Variants in PTPN5 observed in about 807,000 individuals in gnomAD.
The protein encoded by PTPN5 is protein tyrosine phosphatase non-receptor type 5, also known as tyrosine-protein phosphatase non-receptor type 5.
In PTPN5, 29 loss-of-function variants were observed where a neutral mutation model predicts 73.9. That is an observed-to-expected ratio of 0.39 (90% CI 0.29 to 0.54). PTPN5 has a LOEUF of 0.54. Among genes scored for constraint, PTPN5 ranks in the 20% least tolerant of loss-of-function variants. PTPN5 has a pLI of 0.65. For synonymous variants in PTPN5, 267 were observed against 304.7 expected, an observed-to-expected ratio of 0.88 and a Z score of 1.29; for missense variants, 652 against 751.4, an observed-to-expected ratio of 0.87 and a Z score of 1.55.
intron 1 of PTPN5, among the ~76,000 whole-genome samples, chr11:18,773,982 G>A (rs1851030706): frequency 6.6e-6 from 1 of 152,170 alleles, no homozygotes; most frequent in African/African-American, 2.4e-5. Flanking sequence ...TGCCTGGAAG[G>A]CCATCACCTC....
intron 7 of PTPN5, among the ~76,000 whole-genome samples, 199 bp from the exon 8 acceptor site, chr11:18,740,991 A>G (rs913765572): frequency 2.0e-5 from 3 of 152,044 alleles, no homozygotes; most frequent in African/African-American, 4.8e-5. Flanking sequence ...CTGACTCCCT[A>G]TCTCCTGCCT....
intron 5 of PTPN5, 102 bp from the exon 6 acceptor site, chr11:18,743,177 C>A: frequency 8.1e-7 from 1 of 1,229,122 alleles, no homozygotes; most frequent in South Asian, 1.2e-5. Context: ...CGTCCCAGGT[C>A]TGGGATGGGG....
Position 18,732,695 on chromosome 11 carries a change from G to GTGCAT in PTPN5, c.1221_1225dup (p.Thr409AsnfsTer45). 6.2e-7 allele frequency: 1 copy of GTGCAT among 1,613,482 alleles called. No homozygotes were observed. Among genetic ancestry groups the GTGCAT allele is most frequent in the Non-Finnish European group, 8.5e-7 (1 of 1,179,858 alleles). ...CACCTGCTCCTCCGGCCAATACTCG[G>GTGCAT]TGCATTTCTGCAGGGGCCCAGATCA... On this transcript the variant is annotated frameshift_variant, in exon 12 of 15. Transcript: ENST00000358540. LOFTEE classifies it high-confidence loss of function.
chr11:18,773,447 G>A (rs1246497647), intron 1 of PTPN5, among the ~76,000 whole-genome samples: 1 of 152,136 alleles, frequency 6.6e-6, no homozygotes, highest in Non-Finnish European at 1.5e-5. Context: ...ATCTCAGCCT[G>A]CAGGGCTTCC....
intron 1 of PTPN5, among the ~76,000 whole-genome samples, chr11:18,774,053 C>G (rs1851032366): frequency 6.6e-6 from 1 of 152,208 alleles, no homozygotes; most frequent in Non-Finnish European, 1.5e-5. Flanking sequence ...TTGAATTGCT[C>G]TAGGAAGCCT....
chr11:18,771,246 C>T (rs1453050220), intron 2 of PTPN5, among the ~76,000 whole-genome samples: 1 of 152,174 alleles, frequency 6.6e-6, no homozygotes, highest in Non-Finnish European at 1.5e-5. Flanking sequence ...GCTCCAACCC[C>T]ACCTGACATC....
intron 1 of PTPN5, among the ~76,000 whole-genome samples, chr11:18,772,330 A>T (rs1486698231): frequency 1.3e-5 from 2 of 152,164 alleles, no homozygotes; most frequent in Admixed American, 6.5e-5. Context: ...CAACCACAGA[A>T]CCCAGACTGA....
chr11:18,759,349 G>C (rs1239740011), intron 3 of PTPN5, among the ~76,000 whole-genome samples: 4 of 152,108 alleles, frequency 2.6e-5, no homozygotes, highest in Non-Finnish European at 4.4e-5. Context: ...TCTAGAGTGA[G>C]GAATTTGGAA....
At chr11:18,759,817 C>G (rs1055447636) in intron 3 of PTPN5, among the ~76,000 whole-genome samples, 2 of 152,212 alleles carry the variant, frequency 1.3e-5, no homozygotes, top group African/African-American at 4.8e-5. Flanking sequence ...CCAGGTCCAT[C>G]TTCTGGAGGT....
chr11:18,743,183 T>C, intron 5 of PTPN5, 108 bp from the exon 6 acceptor site: 1 of 1,214,714 alleles, frequency 8.2e-7, no homozygotes, highest in Non-Finnish European at 1.2e-6. Context: ...AGGTCTGGGA[T>C]GGGGAGCAGG....
rs1238215971 is a variant in PTPN5 at position 18,729,687 on chromosome 11, G to A, written c.1461C>T (p.Pro487=). Residue 487 remains proline (P), a synonymous_variant, in exon 13 of 15, where the codon CCC becomes CCT. Transcript: ENST00000358540. The surrounding 1 kb of genome is among the most constrained non-coding windows in gnomAD (Gnocchi z 5.2). ...EVEEAAQQEG[P]HCAPIIVHCS... ...AGTGGACGATGATGGGGGCACAGTG[G>A]GGCCCCTCCTGCTGGGCTGCCTCCT... The A allele has an allele frequency of 1.9e-6, 3 of 1,578,326 alleles. No individual in the cohort carries two copies. Among genetic ancestry groups the A allele is most frequent in the African/African-American group, 2.7e-5 (2 of 74,378 alleles).
chr11:18,763,809 A>AT (rs748229527), intron 3 of PTPN5, among the ~76,000 whole-genome samples: 1 of 152,192 alleles, frequency 6.6e-6, no homozygotes, highest in Non-Finnish European at 1.5e-5. Flanking sequence ...ATAAATATTC[A>AT]TATTGCTATT....
chr11:18,742,163 G>T lies in PTPN5; in HGVS notation c.725+99C>A. ...CTGGCTAAGCTATAAGGCCAGCTCT[G>T]CCCTGGGCACCAGGAGTCAGAGTCA... On this transcript the variant is annotated intron_variant, in intron 7 of 14. Transcript: ENST00000358540. The surrounding 1 kb of genome is among the most constrained non-coding windows in gnomAD (Gnocchi z 4.1). 6.5e-7 allele frequency: 1 copy of T among 1,530,042 alleles called. No homozygotes were observed. The highest frequency in any genetic ancestry group is 1.2e-5 in the South Asian group (1 of 81,382). The allele number at this position is 1,530,042 out of a possible 1,614,324, so 94.8% of individuals were successfully genotyped here. A position where few individuals can be genotyped will look rare whatever the true frequency, so the allele number is the denominator to read the frequency against.
chr11:18,746,167 ATAT>A (rs1849617251), intron 3 of PTPN5, among the ~76,000 whole-genome samples: 2 of 78,306 alleles, frequency 2.6e-5, no homozygotes, highest in African/African-American at 4.5e-5. Flanking sequence ...ATATAAATAT[ATAT>A]ATATATATAT....
chr11:18,782,702 G>A (rs1851494607), intron 1 of PTPN5, among the ~76,000 whole-genome samples: 1 of 152,178 alleles, frequency 6.6e-6, no homozygotes, highest in Non-Finnish European at 1.5e-5. Flanking sequence ...GGTTATATGA[G>A]CTCATGCAGT....
intron 3 of PTPN5, among the ~76,000 whole-genome samples, chr11:18,747,566 C>T (rs1028934981): frequency 1.3e-5 from 2 of 152,184 alleles, no homozygotes; most frequent in Admixed American, 6.5e-5. Context: ...ACAAATTTTG[C>T]TTCAGGAAGA....
intron 9 of PTPN5, among the ~76,000 whole-genome samples, chr11:18,735,766 C>T (rs1271886200): frequency 6.9e-6 from 1 of 144,520 alleles, no homozygotes; most frequent in African/African-American, 2.7e-5. Flanking sequence ...CTCTGTCTCC[C>T]CCAAAAAAAA....
At chr11:18,779,846 C>T (rs1851340483) in intron 1 of PTPN5, among the ~76,000 whole-genome samples, 1 of 152,226 alleles carries the variant, frequency 6.6e-6, no homozygotes, top group African/African-American at 2.4e-5. Context: ...TGCTCTGCCA[C>T]TTTCTCCACA....
At position 18,729,524 on chromosome 11, in the gene PTPN5, G is replaced by C. The variant is rs902643903; in HGVS notation, c.1533C>G (p.Ile511Met). Reference sequence around the variant, plus strand: ...CCTCCTGCCGCAGCTGCTGGCAGCAGATGCTGGTGGCAATGAAGCAGCCGG... The same window carrying C: ...CCTCCTGCCGCAGCTGCTGGCAGCACATGCTGGTGGCAATGAAGCAGCCGG... The part of the protein sequence containing the change: ...GRTGCFIATS[I>M]CCQQLRQEGV... Residue 511 changes from isoleucine (I) to methionine (M), a missense_variant, in exon 14 of 15, where the codon ATC (isoleucine) becomes ATG (methionine). Transcript: ENST00000358540. The surrounding 1 kb of genome is among the most constrained non-coding windows in gnomAD (Gnocchi z 5.2). The C allele has an allele frequency of 1.2e-6, 2 of 1,602,006 alleles. No homozygotes were observed. The highest frequency in any genetic ancestry group is 1.7e-6 in the Non-Finnish European group (2 of 1,176,586).
Sources: gnomAD v4.1 joint callset for allele counts (sites outside exome capture counted in the v4.1 genomes callset) on GRCh38, gnomAD v4.1.1 for gene constraint, Gnocchi (gnomAD v3.1) non-coding constraint, MANE v1.5 for transcripts, NCBI Gene and HGNC (gene_info 2026-07-23, HGNC 2026-07-21) for gene names.